Variants in MCUB observed in about 807,000 individuals in gnomAD.
MCUB encodes calcium uniporter regulatory subunit MCUb, mitochondrial.
MCUB carries 46 observed loss-of-function variants against 41.4 expected under a neutral mutation model. The observed-to-expected ratio is 1.11, with a 90% CI of 0.88 to 1.42. The LOEUF is 1.42. Ranked by LOEUF, MCUB falls within the 40% of genes most tolerant of loss-of-function variation. The pLI is 0.00. For synonymous variants in MCUB, 148 were observed against 148.2 expected, an observed-to-expected ratio of 1.00 and a Z score of 0.01; for missense variants, 403 against 404.9, an observed-to-expected ratio of 1.00 and a Z score of 0.04.
intron 1 of MCUB, among the ~76,000 whole-genome samples, chr4:109,594,530 C>T (rs970449961): frequency 6.6e-6 from 1 of 152,102 alleles, no homozygotes; most frequent in African/African-American, 2.4e-5. Flanking sequence ...GTGGCGCATG[C>T]CTGTTGTAGT....
intron 1 of MCUB, among the ~76,000 whole-genome samples, chr4:109,612,424 G>A (rs111986343): frequency 6.6e-6 from 1 of 151,860 alleles, no homozygotes; most frequent in Admixed American, 6.6e-5. Context: ...CTGCCATCAT[G>A]CCCGGCTAAA....
chr4:109,569,207 C>T lies in MCUB; in HGVS notation c.99+8771C>T, dbSNP rs368542804. 4.1e-3 allele frequency among the ~76,000 whole-genome samples: 622 copies of T among 150,026 alleles called. 4 individuals carry two copies. The highest frequency in any genetic ancestry group is 0.014 in the African/African-American group (573 of 40,816). On this transcript the variant is annotated intron_variant, in intron 1 of 7. Coordinates refer to ENST00000394650, the MANE Select transcript of MCUB (RefSeq NM_017918.5). The stretch of plus-strand genomic sequence containing the variant: ...GACTACAGGTGCCTGCCACCACGCC[C>T]GGCCAATTTTTTATATTTTTAGTAG...
At position 109,649,013 on chromosome 4, in the gene MCUB, A is replaced by G. The variant is rs75294807; in HGVS notation, c.100-9998A>G. 1.7e-3 allele frequency among the ~76,000 whole-genome samples: 256 copies of G among 152,162 alleles called. 1 individual carries two copies. Among genetic ancestry groups the G allele is most frequent in the African/African-American group, 6.0e-3 (249 of 41,516 alleles). On this transcript the variant is annotated intron_variant, in intron 1 of 7. Transcript: ENST00000394650. Reference sequence around the variant, plus strand: ...TTTATTTTATGCATATATTTTACCAATTTGCTTGTTCAGAATTTCTCATGC... The same window carrying G: ...TTTATTTTATGCATATATTTTACCAGTTTGCTTGTTCAGAATTTCTCATGC...
chr4:109,610,510 TG>T (rs1363832808), intron 1 of MCUB, among the ~76,000 whole-genome samples: 1 of 152,218 alleles, frequency 6.6e-6, no homozygotes, highest in African/African-American at 2.4e-5. Context: ...GTTCATTTCC[TG>T]GTGGATGTTC....
intron 1 of MCUB, among the ~76,000 whole-genome samples, chr4:109,650,827 A>T (rs1332970066): frequency 6.6e-6 from 1 of 152,250 alleles, no homozygotes; most frequent in African/African-American, 2.4e-5. Context: ...TCAGTACAAC[A>T]TTCTTTGACA....
chr4:109,566,868 T>G (rs1579040990), intron 1 of MCUB, among the ~76,000 whole-genome samples: 1 of 152,134 alleles, frequency 6.6e-6, no homozygotes, highest in Non-Finnish European at 1.5e-5. Flanking sequence ...CCAAACGCAT[T>G]TAGTTTATAT....
intron 4 of MCUB, among the ~76,000 whole-genome samples, chr4:109,672,588 A>G (rs1479677073): frequency 6.6e-6 from 1 of 152,238 alleles, no homozygotes; most frequent in Non-Finnish European, 1.5e-5. Flanking sequence ...TCAACAAATA[A>G]TAGAAGGCTC....
At chr4:109,641,850 G>A (rs774537905) in intron 1 of MCUB, among the ~76,000 whole-genome samples, 2 of 152,200 alleles carry the variant, frequency 1.3e-5, no homozygotes, top group Non-Finnish European at 2.9e-5. Context: ...AAATTCAGAT[G>A]TGTTACTACC....
At chr4:109,591,185 C>CTT (rs111954864) in intron 1 of MCUB, among the ~76,000 whole-genome samples, 6 of 141,372 alleles carry the variant, frequency 4.2e-5, no homozygotes, top group East Asian at 2.1e-4. Context: ...TGTTAAAATT[C>CTT]TTTTTTTTTT....
chr4:109,648,741 A>G, intron 1 of MCUB: 1 of 322,588 alleles, frequency 3.1e-6, no homozygotes, highest in Non-Finnish European at 5.7e-6. Flanking sequence ...AAAAAAAAAA[A>G]TCATTAAAGC....
chr4:109,664,420 T>C (rs757678858), intron 4 of MCUB, 26 bp downstream of exon 4: 1 of 832,242 alleles, frequency 1.2e-6, no homozygotes, highest in Non-Finnish European at 1.8e-6. Context: ...ATCCAACTAT[T>C]ACTTTTTTTT....
chr4:109,574,258 G>A (rs193237537), intron 1 of MCUB, among the ~76,000 whole-genome samples: 1 of 152,204 alleles, frequency 6.6e-6, no homozygotes, highest in African/African-American at 2.4e-5. Context: ...TTGTCATTCT[G>A]TGTTGCTTCC....
At chr4:109,614,963 C>G (rs1307908304) in intron 1 of MCUB, among the ~76,000 whole-genome samples, 1 of 152,108 alleles carries the variant, frequency 6.6e-6, no homozygotes, top group Non-Finnish European at 1.5e-5. Context: ...ACAAATCAAC[C>G]AGTTTATACT....
intron 5 of MCUB, 116 bp from the exon 6 acceptor site, chr4:109,684,327 G>C (rs901317073): frequency 1.4e-6 from 1 of 701,782 alleles, no homozygotes; most frequent in African/African-American, 1.8e-5. Flanking sequence ...CTCCCAGAGT[G>C]CTGAGATTAC....
At chr4:109,683,784 G>C (rs1171103877) in intron 5 of MCUB, among the ~76,000 whole-genome samples, 2 of 152,130 alleles carry the variant, frequency 1.3e-5, no homozygotes, top group Non-Finnish European at 2.9e-5. Flanking sequence ...TGTGTATGCA[G>C]GTATATATTC....
intron 1 of MCUB, among the ~76,000 whole-genome samples, chr4:109,565,271 G>A (rs1254976330): frequency 6.6e-6 from 1 of 152,190 alleles, no homozygotes; most frequent in African/African-American, 2.4e-5. Flanking sequence ...CTGATCCTCA[G>A]CGTTCTGACA....
intron 1 of MCUB, among the ~76,000 whole-genome samples, chr4:109,563,012 C>T (rs1561209285): frequency 6.6e-6 from 1 of 152,226 alleles, no homozygotes; most frequent in African/African-American, 2.4e-5. Context: ...GCCATAATCA[C>T]GCTCTGGTGG....
intron 4 of MCUB, among the ~76,000 whole-genome samples, chr4:109,675,655 T>TC (rs750078966): frequency 5.9e-5 from 9 of 152,212 alleles, no homozygotes; most frequent in Non-Finnish European, 1.0e-4. Flanking sequence ...GGAAACTTGA[T>TC]CCCCAGTGTT....
chr4:109,616,549 T>G (rs1409734420), intron 1 of MCUB, among the ~76,000 whole-genome samples: 1 of 152,200 alleles, frequency 6.6e-6, no homozygotes, highest in Non-Finnish European at 1.5e-5. Flanking sequence ...TGCTTTTACT[T>G]GGACCTGACA....
Sources: gnomAD v4.1 joint callset for allele counts (sites outside exome capture counted in the v4.1 genomes callset) on GRCh38, gnomAD v4.1.1 for gene constraint, MANE v1.5 for transcripts, NCBI Gene and HGNC (gene_info 2026-07-23, HGNC 2026-07-21) for gene names.